Variants in MCC observed in about 807,000 individuals in gnomAD.
MCC encodes the protein colorectal mutant cancer protein.
MCC carries 90 observed loss-of-function variants against 116.2 expected under a neutral mutation model. The ratio of observed to expected loss-of-function variants is 0.77; its 90% confidence interval spans 0.65 to 0.92. MCC has a LOEUF of 0.92. MCC is among the 40% of genes least tolerant of loss of function. The pLI, the probability that MCC is intolerant of heterozygous loss-of-function variation, is 0.00. For synonymous variants in MCC, 578 were observed against 510.5 expected, an observed-to-expected ratio of 1.13 and a Z score of -1.78; for missense variants, 1,516 against 1,312.2, an observed-to-expected ratio of 1.16 and a Z score of -2.40.
chr5:113,270,513 G>A (rs921680200), intron 3 of MCC, among the ~76,000 whole-genome samples: 1 of 150,960 alleles, frequency 6.6e-6, no homozygotes, highest in Non-Finnish European at 1.5e-5. Context: ...AAGGGCTAAC[G>A]TCCTTTAGAA....
chr5:113,236,018 A>C (rs748443682), intron 3 of MCC, among the ~76,000 whole-genome samples: 1 of 152,176 alleles, frequency 6.6e-6, no homozygotes, highest in Non-Finnish European at 1.5e-5. Flanking sequence ...CTTCTAACCT[A>C]GGTAGGTCGG....
intron 3 of MCC, among the ~76,000 whole-genome samples, chr5:113,211,295 C>T (rs1244528351): frequency 6.6e-6 from 1 of 152,192 alleles, no homozygotes; most frequent in Non-Finnish European, 1.5e-5. Context: ...AATTTGCTCT[C>T]GCCTTGATCT....
At chr5:113,223,446 G>T (rs1408650691) in intron 3 of MCC, among the ~76,000 whole-genome samples, 1 of 152,076 alleles carries the variant, frequency 6.6e-6, no homozygotes, top group South Asian at 2.1e-4. Context: ...CTGGCCCTGG[G>T]GATGCGTTTG....
At chr5:113,080,245 T>G (rs1039485009) in intron 11 of MCC, among the ~76,000 whole-genome samples, 5 of 152,210 alleles carry the variant, frequency 3.3e-5, no homozygotes, top group African/African-American at 1.2e-4. Context: ...GACAGTGTGG[T>G]GATTCCTCAA....
intron 11 of MCC, 128 bp downstream of exon 11, chr5:113,082,732 C>A: frequency 2.6e-6 from 3 of 1,159,220 alleles, no homozygotes; most frequent in Non-Finnish European, 3.6e-6. Flanking sequence ...AACTTCCATC[C>A]CCACCAGCCT....
At chr5:113,107,139 G>A (rs1756784388) in intron 6 of MCC, among the ~76,000 whole-genome samples, 1 of 151,018 alleles carries the variant, frequency 6.6e-6, no homozygotes, top group Non-Finnish European at 1.5e-5. Context: ...TAGGCAAAGA[G>A]AAACACCACA....
intron 3 of MCC, among the ~76,000 whole-genome samples, chr5:113,317,020 A>C (rs1265115084): frequency 6.6e-6 from 1 of 152,214 alleles, no homozygotes; most frequent in Admixed American, 6.5e-5. Context: ...TTAGTTATTC[A>C]ACCACCCAAA....
intron 1 of MCC, among the ~76,000 whole-genome samples, chr5:113,441,048 G>C (rs961769599): frequency 3.1e-4 from 47 of 152,154 alleles, no homozygotes; most frequent in Non-Finnish European, 2.8e-4. Context: ...AAAAAAACAA[G>C]TTCTGTCAAG....
At chr5:113,059,518 T>C (rs1440725919) in intron 14 of MCC, among the ~76,000 whole-genome samples, 1 of 152,206 alleles carries the variant, frequency 6.6e-6, no homozygotes, top group African/African-American at 2.4e-5. Flanking sequence ...ATGATCTCAG[T>C]TGTCAAGGGG....
intron 2 of MCC, among the ~76,000 whole-genome samples, chr5:113,342,690 GTGT>G (rs934882836): frequency 1.3e-5 from 2 of 152,216 alleles, no homozygotes; most frequent in Admixed American, 6.5e-5. Context: ...CTGTTTCCTT[GTGT>G]TGTTCACTTC....
chr5:113,114,608 C>CT (rs1757289122), intron 6 of MCC, among the ~76,000 whole-genome samples: 1 of 152,164 alleles, frequency 6.6e-6, no homozygotes, highest in Non-Finnish European at 1.5e-5. Context: ...CATAAAAACT[C>CT]TGACCCCACT....
Position 113,032,899 on chromosome 5 carries a change from G to A in MCC, c.2757-3843C>T, listed in dbSNP as rs549420236. ...GCCACAACAGTTTACAAATGCCATG[G>A]CAACATCAGGAAGTTACCCTATAAC... On this transcript the variant is annotated intron_variant, in intron 17 of 18. Coordinates refer to ENST00000408903, the MANE Select transcript of MCC (RefSeq NM_001085377.2). Among the ~76,000 whole-genome samples, 10 of 152,316 alleles carry A rather than the reference G, an allele frequency of 6.6e-5. 1 individual carries two copies. The highest frequency in any genetic ancestry group is 1.4e-4 in the African/African-American group (6 of 41,550).
At chr5:113,345,699 A>G (rs1237903281) in intron 2 of MCC, among the ~76,000 whole-genome samples, 1 of 152,242 alleles carries the variant, frequency 6.6e-6, no homozygotes, top group Non-Finnish European at 1.5e-5. Context: ...AAAAATACAC[A>G]GTATTATTGG....
chr5:113,178,405 C>T (rs1378358424), intron 3 of MCC, among the ~76,000 whole-genome samples: 2 of 152,066 alleles, frequency 1.3e-5, no homozygotes, highest in African/African-American at 4.8e-5. Flanking sequence ...AGTTGAGGTA[C>T]TAGAAAACAA....
rs1227305011 is a variant in MCC, at chr5:113,434,589, C to T, written c.171-49377G>A. 2 of 1,613,798 alleles carry T rather than the reference C, an allele frequency of 1.2e-6. No homozygotes were observed. Among genetic ancestry groups the T allele is most frequent in the South Asian group, 1.1e-5 (1 of 91,058 alleles). On this transcript the variant is annotated intron_variant, in intron 1 of 18. Coordinates refer to ENST00000408903, the MANE Select transcript of MCC (RefSeq NM_001085377.2). This position sits in a 1 kb window ranked among gnomAD's most constrained non-coding sequence, Gnocchi z 4.2. ...GAGCTCCATGACGATGTAGACCTTG[C>T]CATGTGATGTCTCAAAGATCTCGTA...
At chr5:113,165,721 C>T (rs551375438) in intron 3 of MCC, among the ~76,000 whole-genome samples, 2 of 152,186 alleles carry the variant, frequency 1.3e-5, no homozygotes, top group Non-Finnish European at 2.9e-5. Context: ...CAGGAGCACC[C>T]GACCCAATGG....
intron 14 of MCC, among the ~76,000 whole-genome samples, chr5:113,063,715 G>A (rs1280177122): frequency 6.6e-6 from 1 of 152,258 alleles, no homozygotes; most frequent in Non-Finnish European, 1.5e-5. Flanking sequence ...CAGAAAGGTA[G>A]GTTTGCATTC....
chr5:113,113,585 C>T (rs1438949653), intron 6 of MCC, among the ~76,000 whole-genome samples: 1 of 130,508 alleles, frequency 7.7e-6, no homozygotes, highest in Non-Finnish European at 1.6e-5. Context: ...CTATAATGGA[C>T]AAACTGACAT....
intron 1 of MCC, among the ~76,000 whole-genome samples, chr5:113,431,665 C>G (rs2431549): frequency 1 from 151,808 of 151,938 alleles, 75,840 homozygotes; most frequent in Middle Eastern, 1. Flanking sequence ...ATGAGGCTAT[C>G]GCCTTAGAGG....
Sources: gnomAD v4.1 joint callset for allele counts (sites outside exome capture counted in the v4.1 genomes callset) on GRCh38, gnomAD v4.1.1 for gene constraint, Gnocchi (gnomAD v3.1) non-coding constraint, MANE v1.5 for transcripts, NCBI Gene and HGNC (gene_info 2026-07-23, HGNC 2026-07-21) for gene names.